The following AKAP19 variants were observed in gnomAD, a reference collection of about 807,000 sequenced individuals.
AKAP19 encodes A-kinase anchoring protein 19.
the AKAP19 span, among the ~76,000 whole-genome samples, chr2:190,004,807 G>A: frequency 6.6e-6 from 1 of 152,112 alleles, no homozygotes; most frequent in East Asian, 1.9e-4. Context: ...ACAAGGGAAA[G>A]GCACCATTTT....
At chr2:189,908,003 T>A in the AKAP19 span, among the ~76,000 whole-genome samples, 1 of 152,186 alleles carries the variant, frequency 6.6e-6, no homozygotes, top group East Asian at 1.9e-4. Context: ...AAAAAATCGT[T>A]CTTAGTTTTG....
chr2:189,930,717 A>G, the AKAP19 span: 1 of 579,880 alleles, frequency 1.7e-6, no homozygotes, highest in African/African-American at 1.9e-5. Context: ...CCCCATAAAC[A>G]AAGTCCATCA....
At chr2:189,977,312 A>G in the AKAP19 span, among the ~76,000 whole-genome samples, 1 of 152,190 alleles carries the variant, frequency 6.6e-6, no homozygotes, top group African/African-American at 2.4e-5. Context: ...TCCTTGCCCT[A>G]ATAGAGCTTA....
At chr2:190,115,541 G>A in the AKAP19 span, among the ~76,000 whole-genome samples, 25 of 149,088 alleles carry the variant, frequency 1.7e-4, no homozygotes, top group South Asian at 6.4e-4. Flanking sequence ...GGATGGTCTC[G>A]ATCTCCTGAC....
the AKAP19 span, among the ~76,000 whole-genome samples, chr2:189,961,815 G>A: frequency 0.011 from 1,718 of 152,132 alleles, 31 homozygotes; most frequent in African/African-American, 0.039. Flanking sequence ...GGGAGGCTGA[G>A]GCAGGAGAAT....
the AKAP19 span, chr2:190,180,947 G>T: frequency 7.1e-6 from 7 of 985,158 alleles, no homozygotes; most frequent in African/African-American, 1.2e-4. This position sits in a 1 kb window ranked among gnomAD's most constrained non-coding sequence, Gnocchi z 6.8. Flanking sequence ...GCCCCCGCCC[G>T]GCCTCAGCTG....
At chr2:190,113,809 T>C in the AKAP19 span, among the ~76,000 whole-genome samples, 1 of 152,192 alleles carries the variant, frequency 6.6e-6, no homozygotes, top group African/African-American at 2.4e-5. Context: ...TTGGCTTTCC[T>C]TCCCTGTTTC....
the AKAP19 span, among the ~76,000 whole-genome samples, chr2:189,949,896 C>T: frequency 6.6e-6 from 1 of 151,836 alleles, no homozygotes; most frequent in East Asian, 2.0e-4. Flanking sequence ...TCCCAAAGTG[C>T]TGGGATTACA....
chr2:190,148,508 A>G, the AKAP19 span, among the ~76,000 whole-genome samples: 1 of 152,056 alleles, frequency 6.6e-6, no homozygotes, highest in South Asian at 2.1e-4. Flanking sequence ...TATTAGGGTG[A>G]TGTTGGCTTC....
chr2:190,092,548 T>C, the AKAP19 span, among the ~76,000 whole-genome samples: 2 of 152,164 alleles, frequency 1.3e-5, no homozygotes, highest in East Asian at 1.9e-4. Flanking sequence ...TTCTTTGGCC[T>C]CTCTGCTTCC....
At chr2:190,093,976 A>AGATGCT in the AKAP19 span, among the ~76,000 whole-genome samples, 2 of 152,210 alleles carry the variant, frequency 1.3e-5, no homozygotes, top group African/African-American at 2.4e-5. Flanking sequence ...GACCAAGCAC[A>AGATGCT]TGGTGCTGTT....
At chr2:189,887,960 A>G in the AKAP19 span, among the ~76,000 whole-genome samples, 9 of 152,080 alleles carry the variant, frequency 5.9e-5, no homozygotes, top group African/African-American at 2.2e-4. Context: ...CTTTAGTTTA[A>G]TTAGATCCAA....
the AKAP19 span, among the ~76,000 whole-genome samples, chr2:190,064,982 C>T: frequency 6.6e-6 from 1 of 152,100 alleles, no homozygotes; most frequent in African/African-American, 2.4e-5. Flanking sequence ...TTCAGTCATT[C>T]GCTGGCATTC....
chr2:189,935,530 T>A, the AKAP19 span, among the ~76,000 whole-genome samples: 1 of 152,034 alleles, frequency 6.6e-6, no homozygotes, highest in Non-Finnish European at 1.5e-5. Flanking sequence ...TAAATATAAT[T>A]TTCAAATGGA....
At chr2:190,152,991 G>A in the AKAP19 span, among the ~76,000 whole-genome samples, 4 of 151,914 alleles carry the variant, frequency 2.6e-5, no homozygotes, top group East Asian at 5.8e-4. Context: ...CGCCTCCCGG[G>A]TTCACGCCAT....
At chr2:190,046,305 T>C in the AKAP19 span, among the ~76,000 whole-genome samples, 1 of 152,162 alleles carries the variant, frequency 6.6e-6, no homozygotes, top group African/African-American at 2.4e-5. Context: ...ATAAAATACG[T>C]ATAATAATAG....
chr2:190,024,105 G>A, the AKAP19 span, among the ~76,000 whole-genome samples: 1 of 151,846 alleles, frequency 6.6e-6, no homozygotes, highest in African/African-American at 2.4e-5. Context: ...CAAATGACAT[G>A]TGGAGAAGTA....
At chr2:189,940,005 T>A in the AKAP19 span, among the ~76,000 whole-genome samples, 1 of 151,686 alleles carries the variant, frequency 6.6e-6, no homozygotes, top group Admixed American at 6.6e-5. Context: ...ATTGGCCAGG[T>A]GCGGTGGCTC....
the AKAP19 span, among the ~76,000 whole-genome samples, chr2:190,085,863 G>A: frequency 1.5e-4 from 23 of 152,286 alleles, no homozygotes; most frequent in African/African-American, 5.5e-4. Flanking sequence ...TATTATAGTG[G>A]AAATTATGAG....
Sources: gnomAD v4.1 joint callset for allele counts (sites outside exome capture counted in the v4.1 genomes callset) on GRCh38, gnomAD v4.1.1 for gene constraint, Gnocchi (gnomAD v3.1) non-coding constraint, MANE v1.5 for transcripts, NCBI Gene and HGNC (gene_info 2026-07-23, HGNC 2026-07-21) for gene names.